PALS2: variants seen among roughly 807,000 people sequenced by gnomAD.
PALS2 encodes protein associated with LIN7 2, MAGUK p55 family member.
A neutral mutation model predicts 61.6 loss-of-function variants in PALS2; 27 were observed. The observed-to-expected ratio is 0.44, with a 90% CI of 0.32 to 0.60. The LOEUF (loss-of-function observed/expected upper bound fraction) is 0.60, where lower values mean the gene tolerates loss of function less well. PALS2 is among the 20% of genes least tolerant of loss of function. PALS2 has a pLI of 0.05. For missense variants in PALS2, 554 were observed against 639.4 expected (o/e 0.87, Z 1.44); for synonymous variants, 236 against 218.6 (o/e 1.08, Z -0.70).
At chr7:24,632,649 A>G (rs758984967) in intron 2 of PALS2, among the ~76,000 whole-genome samples, 13 of 152,144 alleles carry the variant, frequency 8.5e-5, no homozygotes, top group Non-Finnish European at 1.3e-4. Context: ...GGCCTCCCAA[A>G]ATGCTAGGAT....
intron 3 of PALS2, among the ~76,000 whole-genome samples, chr7:24,647,260 C>T (rs1359491152): frequency 6.6e-6 from 1 of 151,854 alleles, no homozygotes; most frequent in Non-Finnish European, 1.5e-5. Flanking sequence ...AATTCTCCTG[C>T]CTCAGCCTCC....
Position 24,690,310 on chromosome 7 carries a change from T to C in PALS2, c.*2696T>C, listed in dbSNP as rs539416987. The C allele has an allele frequency of 6.6e-6, 1 of 152,320 alleles. No homozygotes were observed. Among genetic ancestry groups the C allele is most frequent in the South Asian group, 2.1e-4 (1 of 4,830 alleles). The allele number at this position is 152,320 out of a possible 1,614,324, so 9.4% of individuals were successfully genotyped here. ...GGGTTCTTCCTAGGTAATGAGAGTA[T>C]AGCTGTGATCAAGGAAATGTGAACT... On this transcript the variant is annotated 3_prime_UTR_variant, in exon 12 of 12. Transcript: ENST00000222644.
intron 1 of PALS2, among the ~76,000 whole-genome samples, chr7:24,584,644 T>C (rs1038820694): frequency 5.9e-5 from 9 of 151,956 alleles, no homozygotes; most frequent in African/African-American, 1.9e-4. Flanking sequence ...TTTATTTTGC[T>C]GTGCAGAAGC....
At chr7:24,586,915 A>G (rs1783086517) in intron 1 of PALS2, among the ~76,000 whole-genome samples, 2 of 152,212 alleles carry the variant, frequency 1.3e-5, no homozygotes, top group Admixed American at 6.5e-5. Flanking sequence ...GAGGTTTTCA[A>G]GGAATTCCGA....
intron 1 of PALS2, among the ~76,000 whole-genome samples, chr7:24,609,384 T>A (rs1362738621): frequency 6.6e-6 from 1 of 152,010 alleles, no homozygotes; most frequent in South Asian, 2.1e-4. Flanking sequence ...GCCCTTAAAA[T>A]AACTAAATTA....
chr7:24,677,297 T>A (rs1433333752), intron 9 of PALS2, among the ~76,000 whole-genome samples: 1 of 152,154 alleles, frequency 6.6e-6, no homozygotes, highest in Admixed American at 6.5e-5. Context: ...TTTCTAGATA[T>A]ACAATCACGT....
At position 24,630,167 on chromosome 7, in the gene PALS2, G is replaced by A. The variant is rs117665146; in HGVS notation, c.117+6383G>A. 5.1e-3 allele frequency among the ~76,000 whole-genome samples: 774 copies of A among 152,262 alleles called. 1 individual carries two copies. Among genetic ancestry groups the A allele is most frequent in the Non-Finnish European group, 9.0e-3 (609 of 68,036 alleles). ...CGGCCATAAAAAATGATGAGTTCAC[G>A]TCCTTTGCAGGGACATTGATAGAGC... On this transcript the variant is annotated intron_variant, in intron 2 of 11. Coordinates refer to ENST00000222644, the MANE Select transcript of PALS2 (RefSeq NM_001303037.2).
chr7:24,689,305 T>G lies in PALS2; in HGVS notation c.*1691T>G, dbSNP rs1029992079. ...AGGTAACCACATTCTGTATTGTTGC[T>G]AGCTTTTCATGTAAACATTATTCAC... On this transcript the variant is annotated 3_prime_UTR_variant, in exon 12 of 12. Coordinates refer to ENST00000222644, the MANE Select transcript of PALS2 (RefSeq NM_001303037.2). 7.9e-5 allele frequency: 12 copies of G among 152,218 alleles called. No homozygotes were observed. Among genetic ancestry groups the G allele is most frequent in the African/African-American group, 2.4e-4 (10 of 41,458 alleles). The allele number at this position is 152,218 out of a possible 1,614,324, so 9.4% of individuals were successfully genotyped here.
At chr7:24,578,312 C>G (rs897695447) in intron 1 of PALS2, among the ~76,000 whole-genome samples, 2 of 152,146 alleles carry the variant, frequency 1.3e-5, no homozygotes, top group Non-Finnish European at 2.9e-5. Flanking sequence ...TGGCACATAG[C>G]TGTCATTAAA....
rs755245725 is a variant in PALS2, at chr7:24,680,530, C to G, written c.1446+10C>G. 1 of 1,605,408 alleles carries G rather than the reference C, an allele frequency of 6.2e-7. No homozygotes were observed. The highest frequency in any genetic ancestry group is 8.5e-7 in the Non-Finnish European group (1 of 1,176,278). Reference sequence around the variant, plus strand: ...TACCAAGCTTCTGACCGTGAGCTAACCATACGATTTTCCTTCTAAAATCTT... The same window carrying G: ...TACCAAGCTTCTGACCGTGAGCTAAGCATACGATTTTCCTTCTAAAATCTT... On this transcript the variant is annotated intron_variant, in intron 11 of 11. Transcript: ENST00000222644.
At chr7:24,648,496 G>C (rs1785961667) in intron 3 of PALS2, among the ~76,000 whole-genome samples, 1 of 151,666 alleles carries the variant, frequency 6.6e-6, no homozygotes, top group East Asian at 2.0e-4. Context: ...GTGTTGCCAT[G>C]TTGGCCAGGC....
intron 2 of PALS2, among the ~76,000 whole-genome samples, chr7:24,631,982 TGTG>T (rs532080234): frequency 9.8e-4 from 149 of 152,376 alleles, no homozygotes; most frequent in African/African-American, 3.4e-3. Context: ...TTTGCTTTAT[TGTG>T]GTTATCTTGA....
At chr7:24,668,857 G>A (rs548471710) in intron 9 of PALS2, among the ~76,000 whole-genome samples, 197 bp downstream of exon 9, 1 of 152,330 alleles carries the variant, frequency 6.6e-6, no homozygotes, top group African/African-American at 2.4e-5. Context: ...AGTGCTGTTG[G>A]CTTGCTGTCT....
chr7:24,578,445 C>G (rs1004287837), intron 1 of PALS2, among the ~76,000 whole-genome samples: 1 of 152,172 alleles, frequency 6.6e-6, no homozygotes, highest in Non-Finnish European at 1.5e-5. Context: ...TAATAGAAAT[C>G]CATTCTAGTT....
At chr7:24,626,679 G>A (rs1784757735) in intron 2 of PALS2, among the ~76,000 whole-genome samples, 1 of 151,970 alleles carries the variant, frequency 6.6e-6, no homozygotes. Context: ...ATGGATGGAG[G>A]CAGATTTACC....
rs557038670 is a variant in PALS2, at chr7:24,669,896, T to A, written c.1114+1236T>A. On this transcript the variant is annotated intron_variant, in intron 9 of 11. Coordinates refer to ENST00000222644, the MANE Select transcript of PALS2 (RefSeq NM_001303037.2). ...TCAACGTATGTTAAAGCTGCACTTG[T>A]GAAGTAAAAAGTTTTTCGCTTTTAT... 2.0e-5 allele frequency among the ~76,000 whole-genome samples: 3 copies of A among 152,328 alleles called. No individual in the cohort carries two copies. In the South Asian group the frequency reaches 6.2e-4, roughly 32 times the overall value.
intron 5 of PALS2, among the ~76,000 whole-genome samples, chr7:24,663,000 G>A (rs149297744): frequency 0.012 from 1,899 of 152,180 alleles, 57 homozygotes; most frequent in African/African-American, 0.043. Context: ...ATGGAAAATA[G>A]TTTCGAGACT....
intron 11 of PALS2, among the ~76,000 whole-genome samples, chr7:24,685,172 C>T (rs1033422408): frequency 1.3e-5 from 2 of 152,016 alleles, no homozygotes; most frequent in Non-Finnish European, 2.9e-5. Context: ...TTATTGTACA[C>T]CTCCCACTTA....
intron 1 of PALS2, among the ~76,000 whole-genome samples, chr7:24,617,236 T>G (rs1784324089): frequency 6.6e-6 from 1 of 152,180 alleles, no homozygotes. Context: ...GATTTCTGTT[T>G]TCTAATATCT....
Sources: allele counts gnomAD v4.1 joint callset (sites outside exome capture counted in the v4.1 genomes callset), GRCh38; gene constraint gnomAD v4.1.1; transcripts MANE v1.5; gene names NCBI Gene and HGNC (gene_info 2026-07-23, HGNC 2026-07-21).